Variants in BTD observed in about 807,000 individuals in gnomAD.
BTD encodes the protein biotinidase.
A neutral mutation model predicts 17.7 loss-of-function variants in BTD; 13 were observed. The ratio of observed to expected loss-of-function variants is 0.74; its 90% CI spans 0.48 to 1.17. The LOEUF (loss-of-function observed/expected upper bound fraction) is 1.17, where lower values mean the gene tolerates loss of function less well. BTD is among the 50% of genes most tolerant of loss of function. BTD has a pLI of 0.00. For synonymous variants in BTD, 240 were observed against 245.2 expected (o/e 0.98, Z 0.20); for missense variants, 674 against 650.4 (o/e 1.04, Z -0.39).
intron 3 of BTD, among the ~76,000 whole-genome samples, chr3:15,678,934 C>T (rs1329018008): frequency 6.6e-6 from 1 of 152,068 alleles, no homozygotes; most frequent in Non-Finnish European, 1.5e-5. Flanking sequence ...TCTCTCACAC[C>T]AGCCAGTAGT....
chr3:15,615,968 A>T (rs762291557), intron 1 of BTD, among the ~76,000 whole-genome samples: 1 of 152,134 alleles, frequency 6.6e-6, no homozygotes, highest in Non-Finnish European at 1.5e-5. Flanking sequence ...ATATCTTTTC[A>T]TGGCTTGATA....
intron 1 of BTD, among the ~76,000 whole-genome samples, chr3:15,634,382 G>A (rs1362305165): frequency 6.6e-6 from 1 of 152,196 alleles, no homozygotes; most frequent in Admixed American, 6.5e-5. Flanking sequence ...CAGGTGGCCT[G>A]GCCTTGGCAC....
intron 1 of BTD, among the ~76,000 whole-genome samples, chr3:15,613,843 A>G (rs1201748989): frequency 2.0e-5 from 3 of 151,984 alleles, no homozygotes; most frequent in African/African-American, 4.8e-5. Flanking sequence ...CACATTTAAG[A>G]TTTTGTTTTC....
At chr3:15,663,954 T>C (rs1041142281) in intron 3 of BTD, among the ~76,000 whole-genome samples, 12 of 152,200 alleles carry the variant, frequency 7.9e-5, no homozygotes, top group Non-Finnish European at 4.4e-5. Flanking sequence ...CAGGCTGGAG[T>C]GCAATGGCGC....
intron 3 of BTD, chr3:15,690,298 A>G: frequency 8.3e-7 from 1 of 1,205,542 alleles, no homozygotes; most frequent in Non-Finnish European, 1.1e-6. Context: ...AATGTAAATA[A>G]GCAAACTTGT....
intron 1 of BTD, 159 bp downstream of exon 1, chr3:15,602,053 G>A (rs2064273792): frequency 1.4e-6 from 2 of 1,464,384 alleles, no homozygotes; most frequent in African/African-American, 1.4e-5. Flanking sequence ...TTTGTGCGTT[G>A]CTGCTGTGCT....
At chr3:15,604,002 C>G (rs909930999) in intron 1 of BTD, among the ~76,000 whole-genome samples, 1 of 152,344 alleles carries the variant, frequency 6.6e-6, no homozygotes, top group East Asian at 1.9e-4. Flanking sequence ...TGAGTGTGTG[C>G]AGCTTTTCTA....
At chr3:15,692,588 A>G (rs2068952848) in intron 3 of BTD, among the ~76,000 whole-genome samples, 1 of 152,236 alleles carries the variant, frequency 6.6e-6, no homozygotes, top group South Asian at 2.1e-4. Context: ...GTCCAGTATG[A>G]CTAAAATTAG....
intron 1 of BTD, among the ~76,000 whole-genome samples, chr3:15,624,529 T>G (rs1399046848): frequency 6.6e-6 from 1 of 152,200 alleles, no homozygotes; most frequent in Non-Finnish European, 1.5e-5. Context: ...TTCATTTCTG[T>G]TAGTGTTTTT....
chr3:15,705,579 T>C (rs546495889), intron 3 of BTD, among the ~76,000 whole-genome samples: 20 of 152,370 alleles, frequency 1.3e-4, no homozygotes, highest in Middle Eastern at 3.4e-3. Context: ...AGGGATAAGC[T>C]ACTTATCCAA....
chr3:15,671,578 G>T lies in BTD; in HGVS notation c.399+29521G>T, dbSNP rs1051588803. The stretch of plus-strand genomic sequence containing the variant: ...TCAACTTGGAGTCATAAACACTATA[G>T]TTTTTTTTTTGTTTTTTTTTTTTTG... On this transcript the variant is annotated intron_variant, in intron 3 of 3. Transcript: ENST00000672141. Among the ~76,000 whole-genome samples, 51 of 141,348 alleles carry T rather than the reference G, an allele frequency of 3.6e-4. 1 individual carries two copies. The highest frequency in any genetic ancestry group is 2.8e-3 in the Admixed American group (40 of 14,302). 92.7% of individuals were successfully genotyped at this position (141,348 alleles called of 152,430 possible). A position where few individuals can be genotyped will look rare whatever the true frequency, so the allele number is the denominator to read the frequency against.
intron 3 of BTD, chr3:15,694,678 G>A (rs1444734870): frequency 2.1e-6 from 3 of 1,429,950 alleles, no homozygotes; most frequent in South Asian, 2.3e-5. Context: ...AACACAAATA[G>A]GTTATTAGAT....
chr3:15,623,824 C>T (rs759216501), intron 1 of BTD, among the ~76,000 whole-genome samples: 2 of 152,248 alleles, frequency 1.3e-5, no homozygotes, highest in Non-Finnish European at 2.9e-5. Flanking sequence ...GTGCTTGCTT[C>T]CCCTTTGCCC....
intron 1 of BTD, among the ~76,000 whole-genome samples, chr3:15,627,043 C>G (rs749520292): frequency 2.6e-5 from 4 of 152,200 alleles, no homozygotes; most frequent in Admixed American, 6.5e-5. Context: ...AATCATTTCT[C>G]TACACATCTG....
At chr3:15,634,009 T>C (rs73817033) in intron 1 of BTD, among the ~76,000 whole-genome samples, 6,540 of 152,258 alleles carry the variant, frequency 0.043, 402 homozygotes, top group African/African-American at 0.14. Flanking sequence ...TGGGGTTTGG[T>C]GTTTGGATGG....
intron 1 of BTD, among the ~76,000 whole-genome samples, chr3:15,622,829 G>A (rs1376598035): frequency 6.6e-6 from 1 of 152,038 alleles, no homozygotes; most frequent in Admixed American, 6.6e-5. Flanking sequence ...AACTTTCCTT[G>A]GTCTAAAGTC....
chr3:15,692,166 A>AAT (rs71045178), intron 3 of BTD, among the ~76,000 whole-genome samples: 1 of 149,448 alleles, frequency 6.7e-6, no homozygotes, highest in East Asian at 2.0e-4. Flanking sequence ...AAAAAAAAAA[A>AAT]TGAGGTTGGG....
At chr3:15,610,770 G>C (rs1038896830) in intron 1 of BTD, among the ~76,000 whole-genome samples, 57 of 152,100 alleles carry the variant, frequency 3.7e-4, no homozygotes, top group African/African-American at 1.4e-3. Flanking sequence ...TAGAGGGGAT[G>C]GAAGAGGAAC....
intron 3 of BTD, among the ~76,000 whole-genome samples, chr3:15,659,132 G>A (rs1389267556): frequency 1.3e-5 from 2 of 152,190 alleles, no homozygotes; most frequent in African/African-American, 4.8e-5. Flanking sequence ...AAGGTTGAGG[G>A]CATCTCCAGG....
Sources: allele counts gnomAD v4.1 joint callset (sites outside exome capture counted in the v4.1 genomes callset), GRCh38; gene constraint gnomAD v4.1.1; transcripts MANE v1.5; gene names NCBI Gene and HGNC (gene_info 2026-07-23, HGNC 2026-07-21).